Variants in CFAP20DC observed in about 807,000 individuals in gnomAD.
CFAP20DC encodes CFAP20 domain containing, also known as protein CFAP20DC.
A neutral mutation model predicts 101.7 loss-of-function variants in CFAP20DC; 84 were observed. That is an observed-to-expected ratio of 0.83 (90% CI 0.69 to 0.99). The LOEUF is 0.99. CFAP20DC is among the 50% of genes least tolerant of loss of function. The pLI, the probability that CFAP20DC is intolerant of heterozygous loss-of-function variation, is 0.00. For missense variants in CFAP20DC, 1,007 were observed against 970.3 expected, an observed-to-expected ratio of 1.04 and a Z score of -0.50; for synonymous variants, 359 against 351.2, an observed-to-expected ratio of 1.02 and a Z score of -0.25.
chr3:58,956,162 T>A (rs1312858796), intron 4 of CFAP20DC, among the ~76,000 whole-genome samples: 1 of 151,308 alleles, frequency 6.6e-6, no homozygotes, highest in Non-Finnish European at 1.5e-5. Context: ...GGAAAAGTAA[T>A]GGGATTTCGT....
intron 13 of CFAP20DC, among the ~76,000 whole-genome samples, chr3:58,842,817 A>C (rs1002066816): frequency 1.3e-5 from 2 of 152,224 alleles, no homozygotes; most frequent in Non-Finnish European, 2.9e-5. Flanking sequence ...TGGAGATCTG[A>C]CAACCGGCAG....
At chr3:58,933,623 CA>C (rs1199538473) in intron 5 of CFAP20DC, among the ~76,000 whole-genome samples, 18 of 151,958 alleles carry the variant, frequency 1.2e-4, no homozygotes, top group Middle Eastern at 3.2e-3. Context: ...GAAACTCACT[CA>C]AAACCACTCA....
At chr3:58,783,490 CA>C (rs1380668060) in intron 15 of CFAP20DC, among the ~76,000 whole-genome samples, 1 of 151,740 alleles carries the variant, frequency 6.6e-6, no homozygotes, top group African/African-American at 2.4e-5. Flanking sequence ...ACCAACCAAA[CA>C]AAAAACAAGA....
At chr3:59,030,928 AT>A (rs1478601240) in intron 4 of CFAP20DC, among the ~76,000 whole-genome samples, 1 of 152,048 alleles carries the variant, frequency 6.6e-6, no homozygotes, top group Non-Finnish European at 1.5e-5. Flanking sequence ...GGTTCACGCC[AT>A]TCTCCTGCCT....
At chr3:58,984,912 T>G (rs888108945) in intron 4 of CFAP20DC, among the ~76,000 whole-genome samples, 4 of 152,166 alleles carry the variant, frequency 2.6e-5, no homozygotes, top group South Asian at 2.1e-4. Context: ...TTACTTTTTT[T>G]GGGGGGCTGA....
intron 14 of CFAP20DC, among the ~76,000 whole-genome samples, chr3:58,813,862 G>T (rs2074884704): frequency 6.6e-6 from 1 of 151,826 alleles, no homozygotes; most frequent in Non-Finnish European, 1.5e-5. Context: ...AACAGTGGAA[G>T]GAAAAACATG....
chr3:59,032,374 C>A (rs994253471), intron 4 of CFAP20DC, among the ~76,000 whole-genome samples: 1 of 152,066 alleles, frequency 6.6e-6, no homozygotes, highest in East Asian at 1.9e-4. Context: ...GGAAAGGGGG[C>A]TGAAGCCAGG....
chr3:58,845,559 T>C (rs1174851058), intron 13 of CFAP20DC, among the ~76,000 whole-genome samples: 5 of 152,046 alleles, frequency 3.3e-5, no homozygotes, highest in Admixed American at 6.5e-5. Flanking sequence ...ACCAGATGGA[T>C]TCACAGCCGA....
chr3:58,875,303 C>T (rs149007344), intron 7 of CFAP20DC, among the ~76,000 whole-genome samples: 23 of 152,188 alleles, frequency 1.5e-4, no homozygotes, highest in African/African-American at 5.3e-4. Flanking sequence ...TCACGATTGA[C>T]AATAGGAAGA....
chr3:58,720,956 C>T (rs1254497881), intron 3 of CFAP20DC, among the ~76,000 whole-genome samples: 1 of 152,158 alleles, frequency 6.6e-6, no homozygotes, highest in Non-Finnish European at 1.5e-5. Context: ...GCTTGGGATG[C>T]GGCACTTGGG....
intron 4 of CFAP20DC, among the ~76,000 whole-genome samples, chr3:58,959,847 T>G (rs923866560): frequency 6.6e-6 from 1 of 152,234 alleles, no homozygotes; most frequent in Admixed American, 6.5e-5. Context: ...TGCAGAAGAT[T>G]GTCATCTTAA....
At chr3:58,784,582 G>A (rs1472931713) in intron 15 of CFAP20DC, among the ~76,000 whole-genome samples, 1 of 152,044 alleles carries the variant, frequency 6.6e-6, no homozygotes, top group Non-Finnish European at 1.5e-5. Flanking sequence ...GGACACCTAG[G>A]TTGACTACAT....
At chr3:59,003,831 T>C (rs2093369663) in intron 4 of CFAP20DC, among the ~76,000 whole-genome samples, 1 of 152,084 alleles carries the variant, frequency 6.6e-6, no homozygotes, top group African/African-American at 2.4e-5. Context: ...GTACATACAA[T>C]AGGATGAAGG....
intron 16 of CFAP20DC, among the ~76,000 whole-genome samples, chr3:58,748,603 C>A (rs2068363893): frequency 6.6e-6 from 1 of 152,048 alleles, no homozygotes; most frequent in South Asian, 2.1e-4. Context: ...GGGGTCTCTG[C>A]ATTAAAGGAA....
chr3:58,784,420 G>A (rs747463672), intron 15 of CFAP20DC, among the ~76,000 whole-genome samples: 5 of 151,974 alleles, frequency 3.3e-5, no homozygotes, highest in African/African-American at 7.2e-5. Context: ...TGAGTTCTAT[G>A]CTCAGTACCT....
At chr3:58,930,663 C>G (rs574564566) in intron 5 of CFAP20DC, among the ~76,000 whole-genome samples, 2 of 152,190 alleles carry the variant, frequency 1.3e-5, no homozygotes, top group African/African-American at 4.8e-5. Context: ...CCAGTTAGAC[C>G]TCAAAATATT....
intron 13 of CFAP20DC, among the ~76,000 whole-genome samples, chr3:58,845,134 C>T (rs2077505701): frequency 6.6e-6 from 1 of 150,504 alleles, no homozygotes; most frequent in South Asian, 2.1e-4. Context: ...CATTCAAAAG[C>T]TAGCAGAAGG....
rs796445188 is a variant in CFAP20DC at position 58,869,935 on chromosome 3, AAAG to A, written c.852+235_852+237del. Reference sequence around the variant, plus strand: ...TAAATTTTGTGAACATATTTAATGAAAAGAATACTCGAAAATGTTAATTATGTT... The same window carrying A: ...TAAATTTTGTGAACATATTTAATGAAAATACTCGAAAATGTTAATTATGTT... On this transcript the variant is annotated intron_variant, in intron 8 of 16. Transcript: ENST00000482387. This position sits in a 1 kb window ranked among gnomAD's most constrained non-coding sequence, Gnocchi z 4.3. 3.9e-5 allele frequency among the ~76,000 whole-genome samples: 6 copies of A among 152,374 alleles called. No individual in the cohort carries two copies. The highest frequency in any genetic ancestry group is 1.2e-4 in the African/African-American group (5 of 41,594).
chr3:58,931,454 C>A (rs1422087504), intron 5 of CFAP20DC, among the ~76,000 whole-genome samples: 2 of 151,658 alleles, frequency 1.3e-5, no homozygotes, highest in Non-Finnish European at 2.9e-5. Flanking sequence ...GATCTAAGAA[C>A]GGGCAGACTG....
Sources: allele counts gnomAD v4.1 joint callset (sites outside exome capture counted in the v4.1 genomes callset), GRCh38; gene constraint gnomAD v4.1.1; non-coding constraint Gnocchi (gnomAD v3.1); transcripts MANE v1.5; gene names NCBI Gene and HGNC (gene_info 2026-07-23, HGNC 2026-07-21).